The following EYS variants were observed in gnomAD, a reference collection of about 807,000 sequenced individuals.
EYS encodes protein eyes shut homolog.
In EYS, 250 loss-of-function variants were observed where a neutral mutation model predicts 282.1. That is an observed-to-expected ratio of 0.89 (90% confidence interval 0.80 to 0.98). EYS has a LOEUF of 0.98. Ranked by LOEUF, EYS falls within the 50% of genes least tolerant of loss-of-function variation. The pLI is 0.00. For missense variants in EYS, 4,016 were observed against 3,709.0 expected (o/e 1.08, Z -2.15); for synonymous variants, 1,355 against 1,282.9 (o/e 1.06, Z -1.20).
At chr6:63,948,618 CTCTT>C (rs10583000) in intron 35 of EYS, among the ~76,000 whole-genome samples, 44,845 of 151,344 alleles carry the variant, frequency 0.3, 6,693 homozygotes, top group Admixed American at 0.38. Context: ...CTTCCTTTCT[CTCTT>C]TCTTTCTTTC....
intron 13 of EYS, among the ~76,000 whole-genome samples, chr6:65,000,276 T>C (rs1298937293): frequency 6.6e-6 from 1 of 152,192 alleles, no homozygotes; most frequent in Non-Finnish European, 1.5e-5. Flanking sequence ...CCATTTCAAC[T>C]GCATTGGTAT....
At chr6:64,692,320 C>T (rs1047457107) in intron 22 of EYS, among the ~76,000 whole-genome samples, 1 of 152,174 alleles carries the variant, frequency 6.6e-6, no homozygotes, top group African/African-American at 2.4e-5. Context: ...CTGTTCATGT[C>T]CTTTGCCCAT....
chr6:64,268,648 A>G (rs1165255271), intron 30 of EYS, among the ~76,000 whole-genome samples: 1 of 152,172 alleles, frequency 6.6e-6, no homozygotes, highest in African/African-American at 2.4e-5. Flanking sequence ...TTAATGTTAC[A>G]ATACATAGCA....
At chr6:65,142,091 C>T (rs1377714308) in intron 12 of EYS, among the ~76,000 whole-genome samples, 2 of 151,982 alleles carry the variant, frequency 1.3e-5, no homozygotes, top group Non-Finnish European at 2.9e-5. Context: ...GTTCATTGTA[C>T]ATATTTGCTA....
At chr6:65,541,060 T>G (rs549639396) in intron 2 of EYS, among the ~76,000 whole-genome samples, 2 of 149,270 alleles carry the variant, frequency 1.3e-5, no homozygotes, top group Middle Eastern at 3.4e-3. Flanking sequence ...TTGCATAAAT[T>G]TATTCACATC....
At position 64,151,164 on chromosome 6, in the gene EYS, T is replaced by C. The variant is rs936373601; in HGVS notation, c.6425-69162A>G. ...ATAAGTAGGAGGATGGATACATACA[T>C]TATGGTGTAATGATATATTAAAATA... On this transcript the variant is annotated intron_variant, in intron 31 of 42. Transcript: ENST00000503581. Among the ~76,000 whole-genome samples the C allele has an allele frequency of 3.3e-5, 5 of 151,212 alleles. No individual in the cohort carries two copies. The South Asian group carries it at 8.3e-4, about 25-fold the overall frequency.
At chr6:64,140,358 T>G (rs1299864969) in intron 31 of EYS, among the ~76,000 whole-genome samples, 2 of 152,234 alleles carry the variant, frequency 1.3e-5, no homozygotes, top group East Asian at 3.8e-4. Flanking sequence ...AATATTTAAG[T>G]GAAAATTCTT....
chr6:63,903,776 C>T (rs1282111223), intron 35 of EYS, among the ~76,000 whole-genome samples: 9 of 152,248 alleles, frequency 5.9e-5, no homozygotes, highest in African/African-American at 1.9e-4. Context: ...ATTGATGGAA[C>T]GCAGACAGGA....
chr6:65,486,585 A>G (rs1765792704), intron 5 of EYS, among the ~76,000 whole-genome samples: 1 of 152,208 alleles, frequency 6.6e-6, no homozygotes, highest in African/African-American at 2.4e-5. Context: ...CAAATTTAAT[A>G]AGACTTCAAA....
intron 31 of EYS, among the ~76,000 whole-genome samples, chr6:64,154,705 T>G (rs1335480093): frequency 6.6e-6 from 1 of 152,074 alleles, no homozygotes; most frequent in Non-Finnish European, 1.5e-5. Context: ...AGACAACAAT[T>G]TTAAAATTTT....
intron 27 of EYS, 36 bp downstream of exon 27, chr6:64,439,126 T>A (rs1035131090): frequency 8.2e-7 from 1 of 1,215,778 alleles, no homozygotes; most frequent in Non-Finnish European, 1.1e-6. Flanking sequence ...AACAACTTTG[T>A]AATTTTTAAA....
At chr6:65,614,883 G>GA (rs5876977) in intron 2 of EYS, among the ~76,000 whole-genome samples, 116,726 of 151,880 alleles carry the variant, frequency 0.77, 44,949 homozygotes, top group Middle Eastern at 0.82. Context: ...TATCAATAAA[G>GA]TTATAGACAT....
At chr6:64,019,852 A>G (rs1392991487) in intron 33 of EYS, among the ~76,000 whole-genome samples, 1 of 46,828 alleles carries the variant, frequency 2.1e-5, no homozygotes, top group Admixed American at 1.5e-4. Flanking sequence ...ATATATAAGT[A>G]TATATATATA....
intron 31 of EYS, among the ~76,000 whole-genome samples, chr6:64,208,472 T>C (rs1020414892): frequency 2.6e-5 from 4 of 152,166 alleles, no homozygotes; most frequent in Admixed American, 1.3e-4. Flanking sequence ...ATCAGACTTT[T>C]CTGGCTATTC....
At chr6:64,412,650 T>A (rs1427592393) in intron 28 of EYS, 1 of 152,136 alleles carries the variant, frequency 6.6e-6, no homozygotes, top group Admixed American at 6.6e-5. Flanking sequence ...CTCAAGTGTG[T>A]CAGCTGTGAA....
At chr6:65,402,886 T>C (rs1766572655) in intron 6 of EYS, among the ~76,000 whole-genome samples, 1 of 152,112 alleles carries the variant, frequency 6.6e-6, no homozygotes, top group Admixed American at 6.6e-5. Flanking sequence ...GAGACAATGA[T>C]GCTTTAAAGG....
chr6:65,440,857 ATATAGATTTATAT>A (rs1308718900), intron 5 of EYS, among the ~76,000 whole-genome samples: 2 of 146,716 alleles, frequency 1.4e-5, no homozygotes, highest in African/African-American at 5.0e-5. Context: ...ATATATATAT[ATATAGATTTATAT>A]TATATATTTA....
chr6:65,252,886 C>T (rs894971719), intron 12 of EYS, among the ~76,000 whole-genome samples: 1 of 151,890 alleles, frequency 6.6e-6, no homozygotes, highest in Admixed American at 6.6e-5. Context: ...GTGAACTTGA[C>T]AGCAGATCAA....
rs569727325 is a variant in EYS, at chr6:64,023,603, T to C, written c.6726-24420A>G. On this transcript the variant is annotated intron_variant, in intron 33 of 42. Coordinates refer to ENST00000503581, the MANE Select transcript of EYS (RefSeq NM_001142800.2). ...TATGGCCATTGTAGTAGATGTGAAG[T>C]GGTATTGAGAGGCAACAGTGTGCGC... Among the ~76,000 whole-genome samples, 12 of 152,342 alleles carry C rather than the reference T, an allele frequency of 7.9e-5. No homozygotes were observed. In the East Asian group the frequency reaches 2.3e-3, roughly 29 times the overall value.
Sources: allele counts gnomAD v4.1 joint callset (sites outside exome capture counted in the v4.1 genomes callset), GRCh38; gene constraint gnomAD v4.1.1; transcripts MANE v1.5; gene names NCBI Gene and HGNC (gene_info 2026-07-23, HGNC 2026-07-21).